The following ELP4 variants were observed in gnomAD, a reference collection of about 807,000 sequenced individuals.
ELP4 encodes elongator complex protein 4.
Under a neutral mutation model 48.9 loss-of-function variants are expected in ELP4, and 51 were observed. That is an observed-to-expected ratio of 1.04 (90% CI 0.83 to 1.32). The LOEUF (loss-of-function observed/expected upper bound fraction) is 1.32. Ranked by LOEUF, ELP4 falls within the 40% of genes most tolerant of loss-of-function variation. ELP4 has a pLI of 0.00. For synonymous variants in ELP4, 210 were observed against 189.2 expected (o/e 1.11, Z -0.90); for missense variants, 519 against 514.6 (o/e 1.01, Z -0.08).
chr11:31,662,522 A>G (rs1289188516), intron 9 of ELP4: 7 of 397,494 alleles, frequency 1.8e-5, no homozygotes, highest in Non-Finnish European at 3.1e-5. Flanking sequence ...GGCTGTTTTC[A>G]CAGTGCATCA....
chr11:31,549,805 C>G (rs991242970), intron 3 of ELP4, among the ~76,000 whole-genome samples: 1 of 152,140 alleles, frequency 6.6e-6, no homozygotes, highest in Non-Finnish European at 1.5e-5. Context: ...TACTATGCAG[C>G]CACAAAAAAT....
intron 9 of ELP4, among the ~76,000 whole-genome samples, chr11:31,684,002 T>C (rs1213930342): frequency 6.6e-6 from 1 of 152,128 alleles, no homozygotes; most frequent in Non-Finnish European, 1.5e-5. Context: ...GAGGCTAGGG[T>C]ATTCTGGCAT....
chr11:31,515,033 GTATA>G (rs10676705), intron 1 of ELP4, among the ~76,000 whole-genome samples: 288 of 133,966 alleles, frequency 2.1e-3, no homozygotes, highest in African/African-American at 6.9e-3. Context: ...GTGTGTGTGT[GTATA>G]TATATATATA....
intron 3 of ELP4, among the ~76,000 whole-genome samples, chr11:31,552,556 G>A (rs910094442): frequency 9.9e-5 from 15 of 152,008 alleles, no homozygotes; most frequent in Admixed American, 5.3e-4. Context: ...TCTTCTGTTT[G>A]CTCAAGCCTA....
intron 9 of ELP4, among the ~76,000 whole-genome samples, chr11:31,770,822 ACCCTGTC>A (rs1249652441): frequency 7.1e-6 from 1 of 140,150 alleles, no homozygotes; most frequent in Non-Finnish European, 1.5e-5. Flanking sequence ...ACAGAGTGAG[ACCCTGTC>A]AAAAAAGAAA....
intron 9 of ELP4, among the ~76,000 whole-genome samples, chr11:31,738,470 A>G (rs543128116): frequency 6.6e-6 from 1 of 151,972 alleles, no homozygotes; most frequent in African/African-American, 2.4e-5. Context: ...ATAGTGGCCG[A>G]CGCCTATAAT....
rs905077670 is a variant in ELP4, at chr11:31,789,806, A to G, written c.*6282A>G. 6 of 839,088 alleles carry G rather than the reference A, an allele frequency of 7.2e-6. No individual in the cohort carries two copies. Among genetic ancestry groups the G allele is most frequent in the Non-Finnish European group, 1.2e-5 (6 of 499,494 alleles). The allele number at this position is 839,088 out of a possible 1,614,324, so 52.0% of individuals were successfully genotyped here. On this transcript the variant is annotated 3_prime_UTR_variant, in exon 10 of 10. Transcript: ENST00000640961. Reference sequence around the variant, plus strand: ...TCCCCAGTGGTACAATACAGGACACAATTGTAGAACTGAAGCGGCTCTAAC... The same window carrying G: ...TCCCCAGTGGTACAATACAGGACACGATTGTAGAACTGAAGCGGCTCTAAC...
intron 6 of ELP4, among the ~76,000 whole-genome samples, chr11:31,628,602 C>A (rs892891647): frequency 6.6e-6 from 1 of 151,794 alleles, no homozygotes; most frequent in Non-Finnish European, 1.5e-5. Flanking sequence ...AATTGATAGA[C>A]ACCAAACTGG....
Position 31,790,109 on chromosome 11 carries a change from A to AC in ELP4, c.*6585_*6586insC, listed in dbSNP as rs1949335570. Reference sequence around the variant, plus strand: ...ATTTATAGGTTTACAAAAAAAAAAAAAAAAAAAAAAACTAATACTTTCTAA... The same window carrying AC: ...ATTTATAGGTTTACAAAAAAAAAAAACAAAAAAAAAAACTAATACTTTCTAA... On this transcript the variant is annotated 3_prime_UTR_variant, in exon 10 of 10. Coordinates refer to ENST00000640961, the MANE Select transcript of ELP4 (RefSeq NM_019040.5). 7.5e-6 allele frequency: 6 copies of AC among 797,256 alleles called. No homozygotes were observed. The highest frequency in any genetic ancestry group is 1.0e-5 in the Non-Finnish European group (5 of 492,480). The allele number at this position is 797,256 out of a possible 1,614,324, so 49.4% of individuals were successfully genotyped here. A position where few individuals can be genotyped will look rare whatever the true frequency, so the allele number is the denominator to read the frequency against.
intron 3 of ELP4, among the ~76,000 whole-genome samples, chr11:31,553,534 G>A (rs1020644789): frequency 6.6e-6 from 1 of 151,998 alleles, no homozygotes; most frequent in African/African-American, 2.4e-5. Flanking sequence ...CCTGGGTCTT[G>A]AGCCTGCCAG....
intron 1 of ELP4, among the ~76,000 whole-genome samples, chr11:31,518,399 C>G (rs1956156947): frequency 6.6e-6 from 1 of 152,008 alleles, no homozygotes; most frequent in South Asian, 2.1e-4. Context: ...TGCAACTGCA[C>G]CTAGCCATAA....
chr11:31,695,002 A>G (rs1592230386), intron 9 of ELP4, among the ~76,000 whole-genome samples: 2 of 152,218 alleles, frequency 1.3e-5, no homozygotes, highest in African/African-American at 4.8e-5. Context: ...TTGCACATTG[A>G]TTTTGTATCC....
intron 9 of ELP4, chr11:31,707,266 C>T (rs898550931): frequency 2.9e-6 from 1 of 340,892 alleles, no homozygotes; most frequent in Non-Finnish European, 5.2e-6. Flanking sequence ...TGAAATAAAA[C>T]CTTACAGTTC....
chr11:31,681,140 G>T (rs551564012), intron 9 of ELP4, among the ~76,000 whole-genome samples: 81 of 152,228 alleles, frequency 5.3e-4, no homozygotes, highest in African/African-American at 1.9e-3. Context: ...TGTATCATGA[G>T]GGGAATTGAG....
At chr11:31,760,683 G>T (rs1947927144) in intron 9 of ELP4, among the ~76,000 whole-genome samples, 1 of 152,108 alleles carries the variant, frequency 6.6e-6, no homozygotes, top group African/African-American at 2.4e-5. Flanking sequence ...AATACTTCCT[G>T]TAACTGTACT....
At position 31,693,981 on chromosome 11, in the gene ELP4, G is replaced by T. The variant is rs944310464; in HGVS notation, c.1143+43760G>T. The stretch of plus-strand genomic sequence containing the variant: ...TCTTCTTTTGAGAAGTGTCTGTTCA[G>T]ATCCTTCGCCCACTTTTTGATGGGG... On this transcript the variant is annotated intron_variant, in intron 9 of 9. Coordinates refer to ENST00000640961, the MANE Select transcript of ELP4 (RefSeq NM_019040.5). Among the ~76,000 whole-genome samples, 4 of 152,134 alleles carry T rather than the reference G, an allele frequency of 2.6e-5. No individual in the cohort carries two copies. The East Asian group carries it at 7.7e-4, about 29-fold the overall frequency.
intron 9 of ELP4, among the ~76,000 whole-genome samples, chr11:31,690,386 A>G (rs1592226133): frequency 6.6e-6 from 1 of 152,132 alleles, no homozygotes; most frequent in African/African-American, 2.4e-5. Flanking sequence ...ATCTCAAATA[A>G]GGTTTGGTCA....
rs559228935 is a variant in ELP4, at chr11:31,700,619, C to T, written c.1143+50398C>T. Among the ~76,000 whole-genome samples the T allele has an allele frequency of 5.9e-5, 9 of 152,090 alleles. No individual in the cohort carries two copies. In the East Asian group the frequency reaches 1.5e-3, roughly 26 times the overall value. ...GTAACAGAACCAAGATCTCTTGATT[C>T]CCTCCCCAGTAGTCCTTGGAAGACA... On this transcript the variant is annotated intron_variant, in intron 9 of 9. Transcript: ENST00000640961.
chr11:31,723,356 C>T (rs1179509543), intron 9 of ELP4, among the ~76,000 whole-genome samples: 1 of 151,976 alleles, frequency 6.6e-6, no homozygotes, highest in Non-Finnish European at 1.5e-5. Flanking sequence ...CCACCCACTC[C>T]CCCAGGTCCA....
Sources: allele counts gnomAD v4.1 joint callset (sites outside exome capture counted in the v4.1 genomes callset), GRCh38; gene constraint gnomAD v4.1.1; transcripts MANE v1.5; gene names NCBI Gene and HGNC (gene_info 2026-07-23, HGNC 2026-07-21).